The following DDX4 variants were observed in gnomAD, a reference collection of about 807,000 sequenced individuals.
DDX4 encodes the protein DEAD-box helicase 4, also known as probable ATP-dependent RNA helicase DDX4.
Under a neutral mutation model 100.0 loss-of-function variants are expected in DDX4, and 25 were observed. That is an observed-to-expected ratio of 0.25 (90% CI 0.18 to 0.35). DDX4 has a LOEUF of 0.35. Ranked by LOEUF, DDX4 falls within the 10% of genes least tolerant of loss-of-function variation. The pLI, the probability that DDX4 is intolerant of heterozygous loss-of-function variation, is 1.00. For synonymous variants in DDX4, 259 were observed against 275.7 expected (o/e 0.94, Z 0.60); for missense variants, 635 against 882.4 (o/e 0.72, Z 3.55).
chr5:55,756,117 T>G (rs1351254538), intron 3 of DDX4, among the ~76,000 whole-genome samples: 1 of 152,210 alleles, frequency 6.6e-6, no homozygotes, highest in East Asian at 1.9e-4. Context: ...GATGGTCATT[T>G]TTATAGTTTC....
chr5:55,780,913 A>T (rs1025473662), intron 8 of DDX4, among the ~76,000 whole-genome samples, 153 bp from the exon 9 acceptor site: 1 of 152,214 alleles, frequency 6.6e-6, no homozygotes, highest in African/African-American at 2.4e-5. Flanking sequence ...AGTTTAATAG[A>T]ATAGTTTAAC....
At position 55,781,086 on chromosome 5, in the gene DDX4, G is replaced by A. The variant is rs534079199; in HGVS notation, c.517G>A (p.Glu173Lys). ...TCAAGATAATGACTTAGACCCAGACGAATGTATGCAGCGCACTGGTGGCCT... is the reference window on the plus strand; with the variant it reads ...TCAAGATAATGACTTAGACCCAGACAAATGTATGCAGCGCACTGGTGGCCT... Reference protein sequence around the residue: ...GSPNNDLDPDECMQRTGGLFG... With the variant: ...GSPNNDLDPDKCMQRTGGLFG... The change falls in exon 9 of 22, where the codon GAA becomes AAA. Residue 173 changes from glutamate (E) to lysine (K), a missense_variant. Glu to Lys is a moderately conservative substitution (Grantham distance 56, BLOSUM62 1). This residue lies in a region of DDX4 where 446 missense variants were observed against 540.8 expected (regional missense o/e 0.82). Transcript: ENST00000505374. The A allele has an allele frequency of 4.3e-6, 7 of 1,610,578 alleles. No homozygotes were observed. The highest frequency in any genetic ancestry group is 2.2e-5 in the East Asian group (1 of 44,762).
chr5:55,807,276 A>G (rs2112158747), intron 18 of DDX4, among the ~76,000 whole-genome samples: 1 of 152,244 alleles, frequency 6.6e-6, no homozygotes, highest in South Asian at 2.1e-4. Context: ...CTCTTTATCC[A>G]GTTTGCCAGT....
chr5:55,767,161 C>T (rs569255284), intron 6 of DDX4, among the ~76,000 whole-genome samples: 6 of 152,208 alleles, frequency 3.9e-5, no homozygotes, highest in East Asian at 3.9e-4. Flanking sequence ...GTAAATTGGC[C>T]GGGTGTAGTG....
chr5:55,767,162 G>A lies in DDX4; in HGVS notation c.335-719G>A, dbSNP rs12656344. On this transcript the variant is annotated intron_variant, in intron 6 of 21. Transcript: ENST00000505374. Reference sequence around the variant, plus strand: ...GTTTATTAAGAATGGTAAATTGGCCGGGTGTAGTGGCTCACGCCTGTAATC... The same window carrying A: ...GTTTATTAAGAATGGTAAATTGGCCAGGTGTAGTGGCTCACGCCTGTAATC... 2.8e-4 allele frequency among the ~76,000 whole-genome samples: 43 copies of A among 152,288 alleles called. 1 individual carries two copies. The East Asian group carries it at 5.8e-3, about 20-fold the overall frequency.
intron 7 of DDX4, among the ~76,000 whole-genome samples, chr5:55,772,875 A>G (rs1182733436): frequency 1.3e-5 from 2 of 152,144 alleles, no homozygotes; most frequent in Admixed American, 6.5e-5. Context: ...TTCATTAATT[A>G]TCCAGTCTCA....
intron 18 of DDX4, among the ~76,000 whole-genome samples, chr5:55,811,087 GGAAGGTAA>G (rs1219333984): frequency 1.3e-5 from 2 of 150,290 alleles, no homozygotes; most frequent in Non-Finnish European, 3.0e-5. Context: ...CTGATTACAA[GGAAGGTAA>G]AGAATAACTT....
intron 7 of DDX4, among the ~76,000 whole-genome samples, chr5:55,773,556 T>C (rs1490609174): frequency 2.0e-5 from 3 of 152,196 alleles, no homozygotes; most frequent in Non-Finnish European, 4.4e-5. Flanking sequence ...CCACCGATAC[T>C]AGTTATTACT....
At chr5:55,752,021 C>T (rs1169134882) in intron 3 of DDX4, among the ~76,000 whole-genome samples, 1 of 152,052 alleles carries the variant, frequency 6.6e-6, no homozygotes, top group Admixed American at 6.6e-5. Flanking sequence ...CTAAATGACT[C>T]ACAAAAAAGG....
At chr5:55,804,504 G>A (rs1465454554) in intron 18 of DDX4, among the ~76,000 whole-genome samples, 2 of 152,166 alleles carry the variant, frequency 1.3e-5, no homozygotes, top group African/African-American at 4.8e-5. Flanking sequence ...TTTGTATAAG[G>A]TGTAAAGAAG....
At chr5:55,760,011 A>G (rs1760214444) in intron 3 of DDX4, among the ~76,000 whole-genome samples, 189 bp from the exon 4 acceptor site, 1 of 149,722 alleles carries the variant, frequency 6.7e-6, no homozygotes, top group Non-Finnish European at 1.5e-5. Flanking sequence ...TTTAGTCACA[A>G]TTTATTTTTC....
chr5:55,816,724 G>T lies in DDX4; in HGVS notation c.*184G>T. On this transcript the variant is annotated 3_prime_UTR_variant, in exon 22 of 22. Coordinates refer to ENST00000505374, the MANE Select transcript of DDX4 (RefSeq NM_024415.3). ...GTGAGATGCTAAAACTTACAACATT[G>T]CAGTTACTGATACAAATGGTGTTAA... The T allele has an allele frequency of 2.0e-6, 2 of 980,252 alleles. No individual in the cohort carries two copies. The highest frequency in any genetic ancestry group is 2.3e-5 in the South Asian group (1 of 42,824). The allele number at this position is 980,252 out of a possible 1,614,324, so 60.7% of individuals were successfully genotyped here.
In DDX4 at chr5:55,739,131, T is replaced by C; in HGVS notation, c.69+99T>C. 3 of 738,702 alleles carry C rather than the reference T, an allele frequency of 4.1e-6. No individual in the cohort carries two copies. In the Middle Eastern group the frequency reaches 1.0e-3, roughly 251 times the overall value. The allele number at this position is 738,702 out of a possible 1,614,324, so 45.8% of individuals were successfully genotyped here. Reference sequence around the variant, plus strand: ...CTAAATTATACAGTCTGTGTCAGTGTTTATCTCCATGTGATTGTTATTAAC... The same window carrying C: ...CTAAATTATACAGTCTGTGTCAGTGCTTATCTCCATGTGATTGTTATTAAC... On this transcript the variant is annotated intron_variant, in intron 2 of 21. Transcript: ENST00000505374.
Position 55,768,283 on chromosome 5 carries a change from A to G in DDX4, c.394+343A>G, listed in dbSNP as rs566724065. Reference sequence around the variant, plus strand: ...GTTTTTTGATCCTGTACCTCCTCCCACTTTCTACCCTAAAGTAGGCCCCAG... The same window carrying G: ...GTTTTTTGATCCTGTACCTCCTCCCGCTTTCTACCCTAAAGTAGGCCCCAG... On this transcript the variant is annotated intron_variant, in intron 7 of 21. Coordinates refer to ENST00000505374, the MANE Select transcript of DDX4 (RefSeq NM_024415.3). 2.6e-4 allele frequency among the ~76,000 whole-genome samples: 40 copies of G among 152,194 alleles called. 1 individual carries two copies. The South Asian group carries it at 7.9e-3, about 30-fold the overall frequency.
chr5:55,816,911 G>T lies in DDX4; in HGVS notation c.*371G>T. ...ATACACTTTTGGTTAAAAATTACTGGGTCTCATTTTTACTTGAGTCTTTAA... is the reference window on the plus strand; with the variant it reads ...ATACACTTTTGGTTAAAAATTACTGTGTCTCATTTTTACTTGAGTCTTTAA... On this transcript the variant is annotated 3_prime_UTR_variant, in exon 22 of 22. Coordinates refer to ENST00000505374, the MANE Select transcript of DDX4 (RefSeq NM_024415.3). 1 of 166,488 alleles carries T rather than the reference G, an allele frequency of 6.0e-6. No individual in the cohort carries two copies. The highest frequency in any genetic ancestry group is 6.2e-5 in the Admixed American group (1 of 16,172). 10.3% of individuals were successfully genotyped at this position (166,488 alleles called of 1,614,324 possible).
intron 7 of DDX4, among the ~76,000 whole-genome samples, chr5:55,768,625 T>C (rs962097169): frequency 6.6e-6 from 1 of 152,186 alleles, no homozygotes; most frequent in African/African-American, 2.4e-5. Flanking sequence ...ATTATTTATA[T>C]TCCTTTGGGT....
At chr5:55,805,202 A>G (rs566937881) in intron 18 of DDX4, among the ~76,000 whole-genome samples, 10,240 of 151,894 alleles carry the variant, frequency 0.067, 508 homozygotes, top group African/African-American at 0.15. Flanking sequence ...GAAGTTGCCT[A>G]TCAGCTTAAG....
intron 2 of DDX4, among the ~76,000 whole-genome samples, chr5:55,745,542 C>G (rs2111596158): frequency 6.6e-6 from 1 of 152,278 alleles, no homozygotes; most frequent in East Asian, 1.9e-4. Flanking sequence ...CCATCTCAGC[C>G]TCCCGAGTAG....
At chr5:55,809,648 G>C (rs766845730) in intron 18 of DDX4, among the ~76,000 whole-genome samples, 1 of 152,170 alleles carries the variant, frequency 6.6e-6, no homozygotes, top group African/African-American at 2.4e-5. Context: ...TAAAGTGTCA[G>C]TTTGTTCCAG....
Sources: gnomAD v4.1 joint callset for allele counts (sites outside exome capture counted in the v4.1 genomes callset) on GRCh38, gnomAD v4.1.1 for gene constraint, gnomAD v4.1.1 regional missense constraint, MANE v1.5 for transcripts, NCBI Gene and HGNC (gene_info 2026-07-23, HGNC 2026-07-21) for gene names.